Variants in ALDH1A2 observed in about 807,000 individuals in gnomAD.
ALDH1A2 encodes retinal dehydrogenase 2.
In ALDH1A2, 27 loss-of-function variants were observed where a neutral mutation model predicts 60.3. The observed-to-expected ratio is 0.45, with a 90% CI of 0.33 to 0.62. The LOEUF (loss-of-function observed/expected upper bound fraction) is 0.62. ALDH1A2 is among the 20% of genes least tolerant of loss of function. ALDH1A2 has a pLI of 0.02. For synonymous variants in ALDH1A2, 289 were observed against 232.4 expected, an observed-to-expected ratio of 1.24 and a Z score of -2.21; for missense variants, 581 against 643.8, an observed-to-expected ratio of 0.90 and a Z score of 1.06.
At chr15:58,000,068 G>A (rs1566943918) in intron 4 of ALDH1A2, among the ~76,000 whole-genome samples, 1 of 151,922 alleles carries the variant, frequency 6.6e-6, no homozygotes, top group Non-Finnish European at 1.5e-5. Flanking sequence ...AGGGGTGGGG[G>A]AAGGCAGAAT....
At chr15:57,975,638 T>G (rs933760239) in intron 7 of ALDH1A2, among the ~76,000 whole-genome samples, 1 of 152,172 alleles carries the variant, frequency 6.6e-6, no homozygotes, top group Admixed American at 6.5e-5. Context: ...TACCCATAAA[T>G]GGACTACTAC....
intron 7 of ALDH1A2, among the ~76,000 whole-genome samples, chr15:57,975,566 G>C (rs982092793): frequency 1.3e-5 from 2 of 152,166 alleles, no homozygotes; most frequent in Admixed American, 6.5e-5. Context: ...TGCTCAAAAT[G>C]TTTCAAGTTT....
At chr15:58,063,026 A>C (rs1190428335) in intron 1 of ALDH1A2, among the ~76,000 whole-genome samples, 1 of 152,202 alleles carries the variant, frequency 6.6e-6, no homozygotes, top group African/African-American at 2.4e-5. Flanking sequence ...AAAATGTGAA[A>C]TACTTCTAGG....
chr15:57,973,186 A>G (rs1566933452), intron 7 of ALDH1A2, among the ~76,000 whole-genome samples: 1 of 152,234 alleles, frequency 6.6e-6, no homozygotes, highest in Non-Finnish European at 1.5e-5. Context: ...AGCAAAATGC[A>G]TATTGTTTTC....
intron 12 of ALDH1A2, 53 bp downstream of exon 12, chr15:57,960,717 T>A: frequency 6.8e-7 from 1 of 1,464,218 alleles, no homozygotes; most frequent in South Asian, 1.1e-5. Context: ...TACTGCTCTG[T>A]GCTGATATTT....
intron 7 of ALDH1A2, among the ~76,000 whole-genome samples, chr15:57,984,311 T>C (rs546462763): frequency 3.9e-5 from 6 of 152,314 alleles, no homozygotes; most frequent in African/African-American, 1.4e-4. Flanking sequence ...ATGTTGGCTA[T>C]TAATATCCAA....
chr15:57,988,158 C>T (rs1489924982), intron 7 of ALDH1A2, among the ~76,000 whole-genome samples: 3 of 152,054 alleles, frequency 2.0e-5, no homozygotes, highest in African/African-American at 7.3e-5. Flanking sequence ...GGGCATATAA[C>T]CTATGTCTAA....
At chr15:57,980,374 G>T in intron 7 of ALDH1A2, 1 of 374,250 alleles carries the variant, frequency 2.7e-6, no homozygotes, top group Non-Finnish European at 5.4e-6. Flanking sequence ...CAGCCTTGAT[G>T]AAGTTGGAGA....
intron 9 of ALDH1A2, 114 bp downstream of exon 9, chr15:57,963,770 AT>A (rs1893804595): frequency 9.3e-7 from 1 of 1,074,184 alleles, no homozygotes. Flanking sequence ...ATGGTGGAGA[AT>A]AAAGGAGTCA....
intron 1 of ALDH1A2, among the ~76,000 whole-genome samples, chr15:58,061,991 T>G (rs1173606572): frequency 2.0e-5 from 3 of 152,174 alleles, no homozygotes; most frequent in African/African-American, 7.2e-5. Context: ...AAAGCACCCC[T>G]GTTAGGAACA....
intron 1 of ALDH1A2, among the ~76,000 whole-genome samples, chr15:58,063,755 A>G (rs1400723815): frequency 6.6e-6 from 1 of 152,314 alleles, no homozygotes; most frequent in African/African-American, 2.4e-5. Flanking sequence ...CCTCCTCCCC[A>G]CAAATTAAAG....
intron 4 of ALDH1A2, 64 bp downstream of exon 4, chr15:58,010,585 G>C (rs1895600672): frequency 6.3e-7 from 1 of 1,599,902 alleles, no homozygotes; most frequent in Non-Finnish European, 8.5e-7. Context: ...TTTGTGTTTG[G>C]TGGCCAAAGC....
rs931539481 is a variant in ALDH1A2 at position 58,004,725 on chromosome 15, A to G, written c.493+5924T>C. Among the ~76,000 whole-genome samples, 8 of 72,970 alleles carry G rather than the reference A, an allele frequency of 1.1e-4. No individual in the cohort carries two copies. The South Asian group carries it at 2.0e-3, about 18-fold the overall frequency. The allele number at this position is 72,970 out of a possible 152,430, so 47.9% of individuals were successfully genotyped here. On this transcript the variant is annotated intron_variant, in intron 4 of 12. Coordinates refer to ENST00000249750, the MANE Select transcript of ALDH1A2 (RefSeq NM_003888.4). ...TGTGCGTGTGTGTGTGTGTGTATAT[A>G]TATACATATATATATATATTTTATC... is the stretch of plus-strand genomic sequence containing the variant.
intron 4 of ALDH1A2, among the ~76,000 whole-genome samples, chr15:58,001,541 T>C (rs1389893028): frequency 6.6e-6 from 1 of 151,884 alleles, no homozygotes; most frequent in African/African-American, 2.4e-5. Context: ...CAACTCGAAA[T>C]GGAGACAGTG....
At chr15:57,965,938 G>T in intron 7 of ALDH1A2, 111 bp from the exon 8 acceptor site, 1 of 804,694 alleles carries the variant, frequency 1.2e-6, no homozygotes, top group Non-Finnish European at 2.1e-6. Flanking sequence ...ACCCTAAAAG[G>T]CAAGCCAACC....
At chr15:58,040,789 T>C (rs535856608) in intron 1 of ALDH1A2, among the ~76,000 whole-genome samples, 3 of 152,052 alleles carry the variant, frequency 2.0e-5, no homozygotes, top group South Asian at 4.1e-4. Context: ...AATGTTAACA[T>C]TTGCGTGCTT....
intron 12 of ALDH1A2, among the ~76,000 whole-genome samples, chr15:57,956,811 G>T (rs1299605345): frequency 5.3e-5 from 8 of 152,092 alleles, no homozygotes; most frequent in Non-Finnish European, 8.8e-5. Context: ...CCTGGCTTCT[G>T]CACGCACTTG....
At chr15:57,989,520 C>G (rs1240616051) in intron 7 of ALDH1A2, among the ~76,000 whole-genome samples, 4 of 152,006 alleles carry the variant, frequency 2.6e-5, no homozygotes, top group African/African-American at 9.7e-5. Context: ...TCTTATAAAA[C>G]CTAGTAATTA....
chr15:58,057,470 T>C (rs1896924022), intron 1 of ALDH1A2, among the ~76,000 whole-genome samples: 1 of 152,194 alleles, frequency 6.6e-6, no homozygotes, highest in Non-Finnish European at 1.5e-5. Flanking sequence ...GGCTTCAATT[T>C]ATTCCTTTTA....
Sources: gnomAD v4.1 joint callset for allele counts (sites outside exome capture counted in the v4.1 genomes callset) on GRCh38, gnomAD v4.1.1 for gene constraint, MANE v1.5 for transcripts, NCBI Gene and HGNC (gene_info 2026-07-23, HGNC 2026-07-21) for gene names.